Variants in PLCB1 observed in about 807,000 individuals in gnomAD.
The protein encoded by PLCB1 is 1-phosphatidylinositol 4,5-bisphosphate phosphodiesterase beta-1.
In PLCB1, 46 loss-of-function variants were observed where a neutral mutation model predicts 161.8. That is an observed-to-expected ratio of 0.28 (90% CI 0.22 to 0.36). The LOEUF is 0.36. Among genes scored for constraint, PLCB1 ranks in the 10% least tolerant of loss-of-function variants. The probability of loss-of-function intolerance (pLI) is 1.00; values close to 1 mark genes in which losing one functional copy is unlikely to be tolerated. For synonymous variants in PLCB1, 517 were observed against 503.7 expected (o/e 1.03, Z -0.35); for missense variants, 1,016 against 1,472.5 (o/e 0.69, Z 5.07).
At chr20:8,371,472 A>G (rs1986901738) in intron 3 of PLCB1, 22 bp downstream of exon 3, 4 of 1,509,076 alleles carry the variant, frequency 2.7e-6, no homozygotes, top group South Asian at 1.2e-5. Flanking sequence ...AGTGTTGTGC[A>G]TGCACCAGAT....
chr20:8,576,224 G>A (rs896452695), intron 3 of PLCB1, among the ~76,000 whole-genome samples: 3 of 152,122 alleles, frequency 2.0e-5, no homozygotes, highest in African/African-American at 7.2e-5. Context: ...TCCTCCTGAA[G>A]CACTTAACCT....
At chr20:8,749,956 T>TA (rs11087823) in intron 23 of PLCB1, among the ~76,000 whole-genome samples, 141,676 of 150,792 alleles carry the variant, frequency 0.94, 66,381 homozygotes, top group East Asian at 1. Flanking sequence ...TCATTCAATA[T>TA]TTTTTTTTTA....
At chr20:8,301,242 G>A (rs753428818) in intron 2 of PLCB1, among the ~76,000 whole-genome samples, 6 of 152,164 alleles carry the variant, frequency 3.9e-5, no homozygotes, top group African/African-American at 1.2e-4. Context: ...GCCAAGGTTG[G>A]CATTTTTGTT....
intron 9 of PLCB1, 135 bp from the exon 10 acceptor site, chr20:8,684,797 C>T (rs1196314737): frequency 1.7e-6 from 1 of 578,226 alleles, no homozygotes; most frequent in Non-Finnish European, 3.0e-6. Flanking sequence ...AATAATCCTA[C>T]ACTCTTATTT....
At chr20:8,546,227 T>C (rs1985538970) in intron 3 of PLCB1, among the ~76,000 whole-genome samples, 1 of 150,034 alleles carries the variant, frequency 6.7e-6, no homozygotes, top group South Asian at 2.1e-4. Context: ...GGCAGGAGAA[T>C]TGCTTGAACC....
chr20:8,604,252 CAAAAAAA>C (rs34186286), intron 3 of PLCB1, among the ~76,000 whole-genome samples: 56 of 51,404 alleles, frequency 1.1e-3, no homozygotes, highest in Admixed American at 4.4e-3. Flanking sequence ...GGCCCTGTCT[CAAAAAAA>C]AAAAAAAAAA....
At chr20:8,762,257 C>T (rs1982080392) in intron 25 of PLCB1, among the ~76,000 whole-genome samples, 1 of 152,096 alleles carries the variant, frequency 6.6e-6, no homozygotes. Context: ...CATATTAATG[C>T]ATACAACAAG....
At chr20:8,742,209 A>C (rs1437255186) in intron 23 of PLCB1, among the ~76,000 whole-genome samples, 2 of 152,048 alleles carry the variant, frequency 1.3e-5, no homozygotes, top group Admixed American at 6.6e-5. Flanking sequence ...TTTTGCTTTT[A>C]AAAAAAGTGA....
rs1988010650 is a variant in PLCB1, at chr20:8,881,907, C to T, written c.*58C>T. 3.5e-6 allele frequency: 4 copies of T among 1,142,940 alleles called. No homozygotes were observed. The highest frequency in any genetic ancestry group is 5.3e-6 in the Non-Finnish European group (4 of 760,176). 70.8% of individuals were successfully genotyped at this position (1,142,940 alleles called of 1,614,324 possible). A position where few individuals can be genotyped will look rare whatever the true frequency, so the allele number is the denominator to read the frequency against. On this transcript the variant is annotated 3_prime_UTR_variant, in exon 32 of 32. Coordinates refer to ENST00000338037, the MANE Select transcript of PLCB1 (RefSeq NM_015192.4). Reference sequence around the variant, plus strand: ...CCACTCCAGCGTCATCGGACTCTCTCTTATTACAAAGATCACTGCCCAGGA... The same window carrying T: ...CCACTCCAGCGTCATCGGACTCTCTTTTATTACAAAGATCACTGCCCAGGA...
chr20:8,660,854 A>G (rs1035782278), intron 9 of PLCB1, among the ~76,000 whole-genome samples: 11 of 152,174 alleles, frequency 7.2e-5, no homozygotes, highest in Non-Finnish European at 1.6e-4. Context: ...TAGCAGTATA[A>G]AGAAGCAACA....
chr20:8,546,226 A>C (rs538192272), intron 3 of PLCB1, among the ~76,000 whole-genome samples: 19 of 147,878 alleles, frequency 1.3e-4, no homozygotes, highest in Non-Finnish European at 2.7e-4. Context: ...AGGCAGGAGA[A>C]TTGCTTGAAC....
intron 31 of PLCB1, among the ~76,000 whole-genome samples, chr20:8,835,125 A>G (rs1290628381): frequency 1.3e-5 from 2 of 152,166 alleles, no homozygotes; most frequent in African/African-American, 4.8e-5. Context: ...TAACCATAAC[A>G]GGAGAGGAGT....
intron 2 of PLCB1, among the ~76,000 whole-genome samples, chr20:8,359,100 T>G (rs1439021072): frequency 6.7e-6 from 1 of 150,250 alleles, no homozygotes; most frequent in Admixed American, 6.6e-5. Context: ...TTTACACAAT[T>G]TTTTTTTTAA....
chr20:8,642,525 G>A (rs1988988209), intron 4 of PLCB1, among the ~76,000 whole-genome samples: 1 of 152,114 alleles, frequency 6.6e-6, no homozygotes, highest in Non-Finnish European at 1.5e-5. Flanking sequence ...ACCCCCTTAT[G>A]AGTAGAGGTA....
At chr20:8,790,476 A>G (rs1273490383) in intron 31 of PLCB1, among the ~76,000 whole-genome samples, 1 of 152,218 alleles carries the variant, frequency 6.6e-6, no homozygotes, top group Non-Finnish European at 1.5e-5. Flanking sequence ...GCAAATATGC[A>G]GAACCCAGCC....
intron 3 of PLCB1, among the ~76,000 whole-genome samples, chr20:8,516,507 A>G (rs1280496625): frequency 3.3e-5 from 5 of 152,060 alleles, no homozygotes; most frequent in Admixed American, 3.3e-4. Flanking sequence ...TATCAGAGAT[A>G]GTTTCCCTTT....
chr20:8,562,931 T>A, intron 3 of PLCB1, among the ~76,000 whole-genome samples: 1 of 152,044 alleles, frequency 6.6e-6, no homozygotes, highest in Non-Finnish European at 1.5e-5. Context: ...CACACTCACT[T>A]TTTTTATGAA....
intron 26 of PLCB1, among the ~76,000 whole-genome samples, chr20:8,773,443 A>T (rs4816081): frequency 1.3e-5 from 2 of 152,352 alleles, no homozygotes; most frequent in East Asian, 3.9e-4. Context: ...AATGATAATT[A>T]CTTTAATTTA....
chr20:8,873,588 A>G (rs978093859), intron 31 of PLCB1, among the ~76,000 whole-genome samples: 3 of 152,114 alleles, frequency 2.0e-5, no homozygotes, highest in Non-Finnish European at 4.4e-5. Flanking sequence ...ATAAATAAAG[A>G]TACTCATAAT....
Sources: gnomAD v4.1 joint callset for allele counts (sites outside exome capture counted in the v4.1 genomes callset) on GRCh38, gnomAD v4.1.1 for gene constraint, MANE v1.5 for transcripts, NCBI Gene and HGNC (gene_info 2026-07-23, HGNC 2026-07-21) for gene names.